MARCHF1: variants seen among roughly 807,000 people sequenced by gnomAD.
The protein encoded by MARCHF1 is E3 ubiquitin-protein ligase MARCHF1.
MARCHF1 carries 40 observed loss-of-function variants against 54.2 expected under a neutral mutation model. The observed-to-expected ratio is 0.74, with a 90% CI of 0.57 to 0.96. The LOEUF (loss-of-function observed/expected upper bound fraction) is 0.96. Ranked by LOEUF, MARCHF1 falls within the 40% of genes least tolerant of loss-of-function variation. The probability of loss-of-function intolerance (pLI) is 0.00; values close to 1 mark genes in which losing one functional copy is unlikely to be tolerated. For missense variants in MARCHF1, 586 were observed against 656.5 expected, an observed-to-expected ratio of 0.89 and a Z score of 1.17; for synonymous variants, 236 against 236.3, an observed-to-expected ratio of 1.00 and a Z score of 0.01.
chr4:164,208,955 T>A lies in MARCHF1; in HGVS notation c.-322-97293A>T, dbSNP rs191779593. 4.0e-3 allele frequency among the ~76,000 whole-genome samples: 601 copies of A among 151,516 alleles called. 1 individual carries two copies. The highest frequency in any genetic ancestry group is 6.2e-3 in the Non-Finnish European group (421 of 67,778). On this transcript the variant is annotated intron_variant, in intron 1 of 9. Coordinates refer to ENST00000514618, the MANE Select transcript of MARCHF1 (RefSeq NM_001394959.1). ...GTAATACCCTGTTTCTCTGTCTCTG[T>A]CTGTCTGTCTCTCTCTCTCTCTCAC... is the stretch of plus-strand genomic sequence containing the variant.
intron 1 of MARCHF1, among the ~76,000 whole-genome samples, chr4:164,176,285 G>A (rs913541814): frequency 7.9e-5 from 12 of 152,174 alleles, no homozygotes; most frequent in Middle Eastern, 3.2e-3. Context: ...CTTCACTGAT[G>A]TAGTGTTAAT....
intron 1 of MARCHF1, among the ~76,000 whole-genome samples, chr4:164,345,232 T>C (rs748236273): frequency 4.6e-5 from 7 of 152,136 alleles, no homozygotes; most frequent in Non-Finnish European, 1.0e-4. Flanking sequence ...CATTACGATG[T>C]ACTCCATGAA....
chr4:163,767,422 C>A (rs1038186782), intron 4 of MARCHF1, among the ~76,000 whole-genome samples: 3 of 152,062 alleles, frequency 2.0e-5, no homozygotes, highest in East Asian at 1.9e-4. Context: ...CAAGCTCCCC[C>A]TCCTGGGTTC....
intron 4 of MARCHF1, among the ~76,000 whole-genome samples, chr4:163,781,273 C>T (rs1747459371): frequency 6.6e-6 from 1 of 152,148 alleles, no homozygotes; most frequent in South Asian, 2.1e-4. Flanking sequence ...ATTGCTTGAA[C>T]CTGGAAGGCG....
At chr4:164,021,535 G>A (rs1448918039) in intron 2 of MARCHF1, among the ~76,000 whole-genome samples, 1 of 151,828 alleles carries the variant, frequency 6.6e-6, no homozygotes, top group East Asian at 1.9e-4. Context: ...TCTGAGCTTT[G>A]CTTTTTGTAT....
At chr4:164,283,668 G>C (rs898199241) in intron 1 of MARCHF1, among the ~76,000 whole-genome samples, 1 of 150,854 alleles carries the variant, frequency 6.6e-6, no homozygotes, top group African/African-American at 2.4e-5. Context: ...TTGCCAGTTA[G>C]ATCAACCAAA....
intron 4 of MARCHF1, among the ~76,000 whole-genome samples, chr4:163,743,948 C>T (rs1018499739): frequency 3.3e-5 from 5 of 152,210 alleles, no homozygotes; most frequent in African/African-American, 4.8e-5. Context: ...AGTTTGGCTA[C>T]AGCTCCAGCA....
Position 164,121,169 on chromosome 4 carries a change from C to T in MARCHF1, c.-322-9507G>A, listed in dbSNP as rs141048279. On this transcript the variant is annotated intron_variant, in intron 1 of 9. Transcript: ENST00000514618. ...GTGATACTTCAGAAGCTGAAAGGAT[C>T]GTTTGTGGCTACTATGAGCAATTAT... Among the ~76,000 whole-genome samples the T allele has an allele frequency of 2.8e-3, 422 of 152,084 alleles. 2 individuals are homozygous for T. Among genetic ancestry groups the T allele is most frequent in the Non-Finnish European group, 4.3e-3 (290 of 67,968 alleles).
In MARCHF1 at chr4:163,832,582, A is replaced by ATATTATTATTATTAT. The variant is rs5863633; in HGVS notation, c.111+21424_111+21438dup. The stretch of plus-strand genomic sequence containing the variant: ...CATCTAGCTCAAAGTTGGATCCAAA[A>ATATTATTATTATTAT]TATTATTATTATTATTATTATAATA... On this transcript the variant is annotated intron_variant, in intron 4 of 9. Coordinates refer to ENST00000514618, the MANE Select transcript of MARCHF1 (RefSeq NM_001394959.1). Among the ~76,000 whole-genome samples, 730 of 147,620 alleles carry ATATTATTATTATTAT rather than the reference A, an allele frequency of 4.9e-3. 8 individuals carry two copies. Among genetic ancestry groups the ATATTATTATTATTAT allele is most frequent in the Middle Eastern group, 0.011 (3 of 284 alleles).
At chr4:163,800,725 C>G (rs778203307) in intron 4 of MARCHF1, among the ~76,000 whole-genome samples, 1 of 152,036 alleles carries the variant, frequency 6.6e-6, no homozygotes, top group Non-Finnish European at 1.5e-5. Flanking sequence ...ACTTTTCAAA[C>G]TGATTGTTCA....
chr4:164,025,780 G>A lies in MARCHF1; in HGVS notation c.-247-37071C>T, dbSNP rs80258678. Among the ~76,000 whole-genome samples, 1,489 of 150,318 alleles carry A rather than the reference G, an allele frequency of 9.9e-3. 18 individuals carry two copies. The highest frequency in any genetic ancestry group is 0.033 in the African/African-American group (1,361 of 41,136). On this transcript the variant is annotated intron_variant, in intron 2 of 9. Coordinates refer to ENST00000514618, the MANE Select transcript of MARCHF1 (RefSeq NM_001394959.1). Reference sequence around the variant, plus strand: ...GCAAAAATCCATGCAAAAGATCAACGAAACCAAGAGTTTTTTCTCAAAAGA... The same window carrying A: ...GCAAAAATCCATGCAAAAGATCAACAAAACCAAGAGTTTTTTCTCAAAAGA...
Position 163,667,918 on chromosome 4 carries a change from C to T in MARCHF1, c.162+32895G>A, listed in dbSNP as rs186066396. Among the ~76,000 whole-genome samples the T allele has an allele frequency of 2.5e-3, 381 of 152,192 alleles. 3 individuals carry two copies. Among genetic ancestry groups the T allele is most frequent in the African/African-American group, 8.5e-3 (354 of 41,532 alleles). On this transcript the variant is annotated intron_variant, in intron 5 of 9. Transcript: ENST00000514618. The stretch of plus-strand genomic sequence containing the variant: ...CTGGGATTACAGGTGTGAGCCACAG[C>T]GCCTGGCTGCCAAACTTAAATTTAA...
At chr4:164,127,559 G>A (rs544172646) in intron 1 of MARCHF1, among the ~76,000 whole-genome samples, 1 of 152,080 alleles carries the variant, frequency 6.6e-6, no homozygotes, top group Non-Finnish European at 1.5e-5. Context: ...GGAACCAAAT[G>A]TTAAACCAAA....
At chr4:163,686,324 G>A (rs1269879748) in intron 5 of MARCHF1, among the ~76,000 whole-genome samples, 1 of 151,658 alleles carries the variant, frequency 6.6e-6, no homozygotes. Context: ...GCAGAAAAAG[G>A]TCTATCTACA....
chr4:163,589,232 T>A (rs1351027305), intron 7 of MARCHF1, among the ~76,000 whole-genome samples: 2 of 152,136 alleles, frequency 1.3e-5, no homozygotes, highest in Non-Finnish European at 2.9e-5. Context: ...ACAGAGACCT[T>A]GCTGGTTACT....
At chr4:164,208,210 G>A (rs4502640) in intron 1 of MARCHF1, among the ~76,000 whole-genome samples, 31,369 of 152,084 alleles carry the variant, frequency 0.21, 3,751 homozygotes, top group Admixed American at 0.32. Flanking sequence ...AGGCCTGCTA[G>A]GTCATATCAA....
At chr4:163,726,400 T>G (rs2111309896) in intron 4 of MARCHF1, among the ~76,000 whole-genome samples, 1 of 152,332 alleles carries the variant, frequency 6.6e-6, no homozygotes, top group African/African-American at 2.4e-5. Context: ...TTCTTTCACT[T>G]AGTAATATGC....
chr4:164,189,715 T>C (rs1262094327), intron 1 of MARCHF1: 11 of 1,045,300 alleles, frequency 1.1e-5, no homozygotes, highest in Middle Eastern at 4.0e-4. Flanking sequence ...TACCAAGAAG[T>C]CCATATCTTT....
chr4:163,711,100 C>T lies in MARCHF1; in HGVS notation c.112-10237G>A, dbSNP rs551133467. ...AGACAAACAGAAGTTTTGTAAATGACGTGTAATTTTTTGTAAATTACACGT... is the reference window on the plus strand; with the variant it reads ...AGACAAACAGAAGTTTTGTAAATGATGTGTAATTTTTTGTAAATTACACGT... On this transcript the variant is annotated intron_variant, in intron 4 of 9. Coordinates refer to ENST00000514618, the MANE Select transcript of MARCHF1 (RefSeq NM_001394959.1). Among the ~76,000 whole-genome samples the T allele has an allele frequency of 6.6e-5, 10 of 151,644 alleles. No individual in the cohort carries two copies. The East Asian group carries it at 9.7e-4, about 15-fold the overall frequency.
Sources: gnomAD v4.1 joint callset for allele counts (sites outside exome capture counted in the v4.1 genomes callset) on GRCh38, gnomAD v4.1.1 for gene constraint, MANE v1.5 for transcripts, NCBI Gene and HGNC (gene_info 2026-07-23, HGNC 2026-07-21) for gene names.